Variants in ALK observed in about 807,000 individuals in gnomAD.
ALK encodes the protein ALK tyrosine kinase receptor.
In ALK, 74 loss-of-function variants were observed where a neutral mutation model predicts 163.1. The observed-to-expected ratio is 0.45, with a 90% CI of 0.38 to 0.55. ALK has a LOEUF of 0.55. Among genes scored for constraint, ALK ranks in the 20% least tolerant of loss-of-function variants. The pLI, the probability that ALK is intolerant of heterozygous loss-of-function variation, is 0.00. For synonymous variants in ALK, 960 were observed against 843.2 expected, an observed-to-expected ratio of 1.14 and a Z score of -2.40; for missense variants, 2,063 against 2,105.3, an observed-to-expected ratio of 0.98 and a Z score of 0.39.
intron 1 of ALK, among the ~76,000 whole-genome samples, chr2:29,770,316 C>T (rs576525656): frequency 1.1e-4 from 16 of 152,310 alleles, no homozygotes; most frequent in African/African-American, 3.4e-4. Context: ...TTGAAAAGCT[C>T]AAAAGGAAAG....
At chr2:29,806,415 G>C (rs1664617004) in intron 1 of ALK, among the ~76,000 whole-genome samples, 1 of 152,130 alleles carries the variant, frequency 6.6e-6, no homozygotes, top group Admixed American at 6.5e-5. Flanking sequence ...TCGAAATCTA[G>C]GAACACCCCC....
chr2:29,342,581 A>C (rs75791147), intron 5 of ALK, among the ~76,000 whole-genome samples: 3,931 of 152,328 alleles, frequency 0.026, 93 homozygotes, highest in Non-Finnish European at 0.04. Flanking sequence ...TTAAGATGGT[A>C]AATTTTATGT....
At chr2:29,679,873 G>C (rs891515018) in intron 3 of ALK, among the ~76,000 whole-genome samples, 3 of 151,856 alleles carry the variant, frequency 2.0e-5, no homozygotes, top group African/African-American at 7.2e-5. Context: ...TTGTAAAACA[G>C]GTCTGCTGGC....
At chr2:29,580,004 C>T (rs1374489889) in intron 3 of ALK, among the ~76,000 whole-genome samples, 1 of 152,166 alleles carries the variant, frequency 6.6e-6, no homozygotes, top group African/African-American at 2.4e-5. Context: ...CCTCAACCCA[C>T]TCACCCCAGT....
Position 29,462,011 on chromosome 2 carries a change from G to A in ALK, c.1154+69904C>T, listed in dbSNP as rs542767769. 2.0e-5 allele frequency among the ~76,000 whole-genome samples: 3 copies of A among 152,250 alleles called. No homozygotes were observed. The East Asian group carries it at 5.8e-4, about 29-fold the overall frequency. On this transcript the variant is annotated intron_variant, in intron 4 of 28. Transcript: ENST00000389048. ...CATCCCTCACGGATGACTTTGAGGG[G>A]TTTAAGACTTCATTGGAGAAAGCAA...
Position 29,223,312 on chromosome 2 carries a change from C to G in ALK, c.3359+30G>C, listed in dbSNP as rs200409896. ...CATTCAGCCCCTACACTGCACCCCT[C>G]TCCTCCCAGGACGGCAGCAGGGCGC... On this transcript the variant is annotated intron_variant, in intron 20 of 28. Coordinates refer to ENST00000389048, the MANE Select transcript of ALK (RefSeq NM_004304.5). 1.2e-4 allele frequency: 198 copies of G among 1,613,162 alleles called. No homozygotes were observed. In the East Asian group the frequency reaches 4.1e-3, roughly 34 times the overall value.
chr2:29,824,197 C>G (rs1362693095), intron 1 of ALK, among the ~76,000 whole-genome samples: 1 of 152,354 alleles, frequency 6.6e-6, no homozygotes, highest in African/African-American at 2.4e-5. Flanking sequence ...GTTTGGGAAC[C>G]TCTGCCTAGA....
chr2:29,702,867 G>C (rs1678786967), intron 2 of ALK, among the ~76,000 whole-genome samples: 1 of 152,200 alleles, frequency 6.6e-6, no homozygotes, highest in Non-Finnish European at 1.5e-5. Context: ...GTCCCACTGG[G>C]TCTGTCCCAT....
chr2:29,582,299 CAA>C lies in ALK; in HGVS notation c.953-50185_953-50184del, dbSNP rs539219148. On this transcript the variant is annotated intron_variant, in intron 3 of 28. Coordinates refer to ENST00000389048, the MANE Select transcript of ALK (RefSeq NM_004304.5). The stretch of plus-strand genomic sequence containing the variant: ...TTGAATAGTACTCAGAAACCCCACC[CAA>C]AATCCTACAAGAATGGGTATCTCAC... 4.3e-4 allele frequency among the ~76,000 whole-genome samples: 65 copies of C among 152,300 alleles called. 1 individual carries two copies. The East Asian group carries it at 0.012, about 28-fold the overall frequency.
chr2:29,716,374 C>A (rs1197472758), intron 2 of ALK, among the ~76,000 whole-genome samples: 1 of 152,180 alleles, frequency 6.6e-6, no homozygotes, highest in African/African-American at 2.4e-5. Context: ...AAGTGGAAAG[C>A]AAAGCTTAGT....
At chr2:29,454,822 C>T (rs1166715811) in intron 4 of ALK, among the ~76,000 whole-genome samples, 1 of 152,016 alleles carries the variant, frequency 6.6e-6, no homozygotes, top group Non-Finnish European at 1.5e-5. Flanking sequence ...ACATAATTGG[C>T]AATTGATACA....
At chr2:29,213,347 A>G (rs1367669160) in intron 24 of ALK, among the ~76,000 whole-genome samples, 1 of 152,280 alleles carries the variant, frequency 6.6e-6, no homozygotes, top group Non-Finnish European at 1.5e-5. Flanking sequence ...AATGAAAATC[A>G]TCTTTATGCT....
At chr2:29,265,235 C>G (rs1665190547) in intron 11 of ALK, among the ~76,000 whole-genome samples, 1 of 152,152 alleles carries the variant, frequency 6.6e-6, no homozygotes, top group Non-Finnish European at 1.5e-5. Flanking sequence ...CCAGGCTGGT[C>G]TTGAACTCCG....
chr2:29,547,770 G>A (rs1673595924), intron 3 of ALK, among the ~76,000 whole-genome samples: 1 of 152,144 alleles, frequency 6.6e-6, no homozygotes, highest in African/African-American at 2.4e-5. Flanking sequence ...ATTTAACCAG[G>A]CTTCCTTGCA....
chr2:29,785,934 CACACACACACACACACACACACACAT>C (rs1235481716), intron 1 of ALK, among the ~76,000 whole-genome samples: 4 of 148,380 alleles, frequency 2.7e-5, no homozygotes, highest in African/African-American at 1.0e-4. Context: ...CACACACACA[CACACACACACACACACACACACACAT>C]TACCCTCTCT....
chr2:29,662,288 A>T lies in ALK; in HGVS notation c.952+32562T>A, dbSNP rs141674312. On this transcript the variant is annotated intron_variant, in intron 3 of 28. Coordinates refer to ENST00000389048, the MANE Select transcript of ALK (RefSeq NM_004304.5). ...CCCTGCCCTTTGAGGTCTAAGGAAG[A>T]TGAGTTTGAACCTCCAATTCTGCAC... Among the ~76,000 whole-genome samples the T allele has an allele frequency of 5.1e-3, 773 of 152,276 alleles. 13 individuals are homozygous for T. The highest frequency in any genetic ancestry group is 0.017 in the African/African-American group (710 of 41,564).
At chr2:29,658,388 T>C (rs1486029333) in intron 3 of ALK, among the ~76,000 whole-genome samples, 1 of 152,144 alleles carries the variant, frequency 6.6e-6, no homozygotes, top group African/African-American at 2.4e-5. Context: ...TGGGCTTCTC[T>C]TACCTCACCT....
At chr2:29,744,785 T>C (rs750803534) in intron 1 of ALK, among the ~76,000 whole-genome samples, 20 of 152,010 alleles carry the variant, frequency 1.3e-4, no homozygotes, top group Admixed American at 2.0e-4. Context: ...ACTTGGCTTT[T>C]TTACAACACG....
chr2:29,861,002 C>T (rs1465610470), intron 1 of ALK, among the ~76,000 whole-genome samples: 1 of 152,026 alleles, frequency 6.6e-6, no homozygotes, highest in Non-Finnish European at 1.5e-5. Context: ...AAGACCCTAT[C>T]TCTACAAAAA....
Sources: gnomAD v4.1 joint callset for allele counts (sites outside exome capture counted in the v4.1 genomes callset) on GRCh38, gnomAD v4.1.1 for gene constraint, MANE v1.5 for transcripts, NCBI Gene and HGNC (gene_info 2026-07-23, HGNC 2026-07-21) for gene names.